Variants in CTNNA2 observed in about 807,000 individuals in gnomAD.
The protein encoded by CTNNA2 is catenin alpha-2.
Under a neutral mutation model 101.0 loss-of-function variants are expected in CTNNA2, and 42 were observed. The observed-to-expected ratio is 0.42, with a 90% CI of 0.32 to 0.54. CTNNA2 has a LOEUF of 0.54. CTNNA2 is among the 20% of genes least tolerant of loss of function. The pLI, the probability that CTNNA2 is intolerant of heterozygous loss-of-function variation, is 0.14. For synonymous variants in CTNNA2, 450 were observed against 456.4 expected, an observed-to-expected ratio of 0.99 and a Z score of 0.18; for missense variants, 871 against 1,223.1, an observed-to-expected ratio of 0.71 and a Z score of 4.29.
chr2:79,411,095 T>C (rs1296940887), intron 4 of CTNNA2, among the ~76,000 whole-genome samples: 1 of 152,186 alleles, frequency 6.6e-6, no homozygotes, highest in Non-Finnish European at 1.5e-5. Flanking sequence ...CTTAGAGTTG[T>C]TTCTGGTATT....
At chr2:79,922,500 CCTT>C (rs1205996337) in intron 7 of CTNNA2, among the ~76,000 whole-genome samples, 1 of 152,086 alleles carries the variant, frequency 6.6e-6, no homozygotes, top group East Asian at 1.9e-4. Flanking sequence ...GATTCTCTGA[CCTT>C]CTCTTCTTAT....
intron 3 of CTNNA2, among the ~76,000 whole-genome samples, chr2:79,844,754 G>T (rs1022944525): frequency 6.6e-6 from 1 of 152,112 alleles, no homozygotes; most frequent in Non-Finnish European, 1.5e-5. Flanking sequence ...ATTGATGCAG[G>T]CTTGCTCAAT....
chr2:79,887,434 A>AT (rs1043820672), intron 6 of CTNNA2, among the ~76,000 whole-genome samples: 8 of 152,162 alleles, frequency 5.3e-5, no homozygotes, highest in African/African-American at 1.9e-4. Context: ...AATTTCAGTC[A>AT]TTTTTTGGAA....
At chr2:80,580,777 G>T (rs750469277) in intron 13 of CTNNA2, among the ~76,000 whole-genome samples, 1 of 152,144 alleles carries the variant, frequency 6.6e-6, no homozygotes, top group East Asian at 1.9e-4. Context: ...CAATTTGGGA[G>T]GCCAATGCGG....
At chr2:79,975,553 C>T (rs1241974259) in intron 7 of CTNNA2, among the ~76,000 whole-genome samples, 2 of 152,124 alleles carry the variant, frequency 1.3e-5, no homozygotes, top group Non-Finnish European at 2.9e-5. Context: ...ACTTCAGATG[C>T]CATAGCAAGC....
At chr2:79,824,380 C>T (rs1487332072) in intron 3 of CTNNA2, among the ~76,000 whole-genome samples, 3 of 152,002 alleles carry the variant, frequency 2.0e-5, no homozygotes, top group South Asian at 2.1e-4. Flanking sequence ...TGAATGTATC[C>T]GTGGGCTGTG....
At chr2:79,902,498 C>T (rs1280440134) in intron 6 of CTNNA2, among the ~76,000 whole-genome samples, 1 of 152,136 alleles carries the variant, frequency 6.6e-6, no homozygotes, top group Non-Finnish European at 1.5e-5. Context: ...ATACCACTAC[C>T]CGATGTTCAT....
intron 7 of CTNNA2, among the ~76,000 whole-genome samples, chr2:80,130,949 A>C (rs1216993756): frequency 6.6e-6 from 1 of 151,716 alleles, no homozygotes; most frequent in Admixed American, 6.6e-5. Context: ...ATATGAGAGA[A>C]AATGTCACAG....
chr2:79,639,240 T>C (rs1236474448), intron 1 of CTNNA2, among the ~76,000 whole-genome samples: 3 of 152,184 alleles, frequency 2.0e-5, no homozygotes, highest in African/African-American at 7.2e-5. Flanking sequence ...AGAACAAAGC[T>C]CATCTCTCTA....
intron 4 of CTNNA2, among the ~76,000 whole-genome samples, chr2:79,470,318 G>A (rs1252703983): frequency 3.9e-5 from 6 of 152,138 alleles, no homozygotes; most frequent in Non-Finnish European, 7.4e-5. Flanking sequence ...GCCTGGGTAA[G>A]AAAACAATGC....
At chr2:80,277,156 G>T (rs1558962488) in intron 7 of CTNNA2, among the ~76,000 whole-genome samples, 1 of 152,110 alleles carries the variant, frequency 6.6e-6, no homozygotes, top group Non-Finnish European at 1.5e-5. Context: ...AACCAAATGG[G>T]GAAACTGTGT....
intron 2 of CTNNA2, among the ~76,000 whole-genome samples, chr2:79,228,284 G>A (rs557589365): frequency 1.9e-4 from 29 of 152,170 alleles, no homozygotes; most frequent in Non-Finnish European, 3.2e-4. Context: ...TGGAATTGCT[G>A]GGTGGAATGG....
chr2:80,197,219 A>C (rs1038626514), intron 7 of CTNNA2, among the ~76,000 whole-genome samples: 2 of 152,184 alleles, frequency 1.3e-5, no homozygotes, highest in African/African-American at 4.8e-5. Flanking sequence ...AGGATCTGTG[A>C]AGGCAGGGCT....
intron 4 of CTNNA2, among the ~76,000 whole-genome samples, chr2:79,453,664 T>C (rs548179492): frequency 2.8e-4 from 43 of 152,218 alleles, no homozygotes; most frequent in African/African-American, 9.4e-4. Flanking sequence ...AGTATATATA[T>C]ATTTTTCAGA....
chr2:80,056,707 T>C (rs1348954248), intron 7 of CTNNA2, among the ~76,000 whole-genome samples: 1 of 152,208 alleles, frequency 6.6e-6, no homozygotes, highest in African/African-American at 2.4e-5. Context: ...GCCAAGTGTT[T>C]AAATGCTATG....
At chr2:79,587,022 G>A (rs1177645159) in intron 1 of CTNNA2, among the ~76,000 whole-genome samples, 1 of 152,116 alleles carries the variant, frequency 6.6e-6, no homozygotes, top group African/African-American at 2.4e-5. Context: ...CGGCTGCGTA[G>A]TATTCCATGA....
At chr2:80,238,097 A>G (rs1265943829) in intron 7 of CTNNA2, among the ~76,000 whole-genome samples, 1 of 151,734 alleles carries the variant, frequency 6.6e-6, no homozygotes, top group Non-Finnish European at 1.5e-5. Context: ...AACTGGTAAG[A>G]CTCCCTCCCC....
chr2:80,490,283 C>CA (rs1686950361), intron 9 of CTNNA2, among the ~76,000 whole-genome samples: 3 of 81,086 alleles, frequency 3.7e-5, no homozygotes, highest in East Asian at 5.2e-4. Context: ...CCCCCCCACC[C>CA]CCCCCCCGGT....
chr2:79,946,744 C>A (rs538014048), intron 7 of CTNNA2, among the ~76,000 whole-genome samples: 2 of 152,256 alleles, frequency 1.3e-5, no homozygotes, highest in African/African-American at 4.8e-5. Flanking sequence ...CTCTTTGTTA[C>A]TTTCAGTAAG....
Sources: allele counts gnomAD v4.1 joint callset (sites outside exome capture counted in the v4.1 genomes callset), GRCh38; gene constraint gnomAD v4.1.1; transcripts MANE v1.5; gene names NCBI Gene and HGNC (gene_info 2026-07-23, HGNC 2026-07-21).